Variants in EPS15 observed in about 807,000 individuals in gnomAD.
The protein encoded by EPS15 is epidermal growth factor receptor substrate 15.
In EPS15, 72 loss-of-function variants were observed where a neutral mutation model predicts 113.8. The observed-to-expected ratio is 0.63, with a 90% CI of 0.52 to 0.77. The LOEUF (loss-of-function observed/expected upper bound fraction) is 0.77, where lower values mean the gene tolerates loss of function less well. EPS15 is among the 30% of genes least tolerant of loss of function. EPS15 has a pLI of 0.00. For synonymous variants in EPS15, 344 were observed against 363.4 expected, an observed-to-expected ratio of 0.95 and a Z score of 0.61; for missense variants, 1,048 against 1,045.8, an observed-to-expected ratio of 1.00 and a Z score of -0.03.
chr1:51,402,414 T>C lies in EPS15; in HGVS notation c.1882+21A>G, dbSNP rs777941387. 7.6e-6 allele frequency: 10 copies of C among 1,316,548 alleles called. No individual in the cohort carries two copies. In the East Asian group the frequency reaches 1.6e-4, roughly 22 times the overall value. The allele number at this position is 1,316,548 out of a possible 1,614,324, so 81.6% of individuals were successfully genotyped here. A position where few individuals can be genotyped will look rare whatever the true frequency, so the allele number is the denominator to read the frequency against. On this transcript the variant is annotated intron_variant, in intron 18 of 24. Coordinates refer to ENST00000371733, the MANE Select transcript of EPS15 (RefSeq NM_001981.3). Reference sequence around the variant, plus strand: ...GTCTTTTTTTTGGGTAAATCTATAATATAAAAAAAAGAGTACTTACTGCCA... The same window carrying C: ...GTCTTTTTTTTGGGTAAATCTATAACATAAAAAAAAGAGTACTTACTGCCA...
chr1:51,361,278 C>T lies in EPS15; in HGVS notation c.2437G>A (p.Asp813Asn), dbSNP rs777963379. Residue 813 changes from aspartate to asparagine, a missense_variant, in exon 24 of 25, where the codon GAT becomes AAT. Asp to Asn is a conservative substitution (Grantham distance 23). Transcript: ENST00000371733. ...TCAGGATCTTTTTCTTTGGGGCTAT[C>T]GTTGCCTGGGAAAGGCTGAAATGGA... ...NDPFQPFPGNDSPKEKDPEIF... is the reference protein window; with the variant it reads ...NDPFQPFPGNNSPKEKDPEIF... 7.4e-6 allele frequency: 12 copies of T among 1,613,638 alleles called. No individual in the cohort carries two copies. The highest frequency in any genetic ancestry group is 6.7e-5 in the East Asian group (3 of 44,880).
chr1:51,498,944 G>A (rs1213285455), intron 1 of EPS15, among the ~76,000 whole-genome samples: 1 of 152,144 alleles, frequency 6.6e-6, no homozygotes, highest in Non-Finnish European at 1.5e-5. Context: ...TGCAATTTAG[G>A]TACGTATCAA....
chr1:51,476,131 T>C (rs1570387372), intron 2 of EPS15, among the ~76,000 whole-genome samples: 1 of 152,182 alleles, frequency 6.6e-6, no homozygotes, highest in Non-Finnish European at 1.5e-5. Flanking sequence ...TCCAGCTTTG[T>C]TCTTTTTGCT....
chr1:51,354,876 A>T lies in EPS15; in HGVS notation c.*1824T>A, dbSNP rs1005818642. ...ATTTAATATTTGAGTTTAATTGAAA[A>T]TTTTTTTGAAGCATTTAAACATTTG... On this transcript the variant is annotated 3_prime_UTR_variant, in exon 25 of 25. Transcript: ENST00000371733. 5.4e-5 allele frequency: 11 copies of T among 202,090 alleles called. No homozygotes were observed. In the East Asian group the frequency reaches 6.9e-4, roughly 13 times the overall value. 12.5% of individuals were successfully genotyped at this position (202,090 alleles called of 1,614,324 possible).
chr1:51,411,015 A>G (rs755018488), intron 13 of EPS15, among the ~76,000 whole-genome samples: 1 of 152,210 alleles, frequency 6.6e-6, no homozygotes, highest in Non-Finnish European at 1.5e-5. Flanking sequence ...AGTTAAAAAT[A>G]GTAAGCTATG....
At chr1:51,478,790 C>T (rs1156683855) in intron 2 of EPS15, among the ~76,000 whole-genome samples, 4 of 152,348 alleles carry the variant, frequency 2.6e-5, no homozygotes, top group African/African-American at 9.6e-5. Context: ...GGCCCCCACT[C>T]TCTTCTGGCT....
chr1:51,375,802 T>C (rs1250954155), intron 21 of EPS15, among the ~76,000 whole-genome samples: 9 of 152,144 alleles, frequency 5.9e-5, no homozygotes, highest in African/African-American at 2.2e-4. Flanking sequence ...AAGACTTACG[T>C]TGTAACTAAA....
intron 2 of EPS15, among the ~76,000 whole-genome samples, chr1:51,476,939 G>T (rs1437331499): frequency 6.6e-6 from 1 of 152,122 alleles, no homozygotes; most frequent in African/African-American, 2.4e-5. Context: ...TCTCTGCCAG[G>T]TTTTGGTATC....
At chr1:51,483,748 G>A (rs1644066471) in intron 1 of EPS15, among the ~76,000 whole-genome samples, 1 of 151,758 alleles carries the variant, frequency 6.6e-6, no homozygotes, top group Admixed American at 6.6e-5. Flanking sequence ...GGAGGTTGCA[G>A]TGAGCTGAAA....
intron 11 of EPS15, among the ~76,000 whole-genome samples, chr1:51,443,759 C>G (rs959526274): frequency 5.3e-5 from 8 of 151,890 alleles, no homozygotes; most frequent in Admixed American, 4.6e-4. Flanking sequence ...TTCAAGTGAT[C>G]CTCCTGCCTC....
chr1:51,406,033 T>C lies in EPS15; in HGVS notation c.1549A>G (p.Ser517Gly). 6.2e-7 allele frequency: 1 copy of C among 1,614,220 alleles called. No individual in the cohort carries two copies. The highest frequency in any genetic ancestry group is 8.5e-7 in the Non-Finnish European group (1 of 1,180,016). ...TCTGTAGCTCCGTTTACAAGAATGC[T>C]GTGTGGGCTACTGCACCAATTTAAC... The part of the protein sequence containing the change: ...SQLNWCSSPH[S>G]ILVNGATDYC... Residue 517 changes from serine (S) to glycine (G), a missense_variant, in exon 16 of 25, where the codon AGC becomes GGC. Coordinates refer to ENST00000371733, the MANE Select transcript of EPS15 (RefSeq NM_001981.3).
chr1:51,464,895 T>C (rs911936458), intron 6 of EPS15, among the ~76,000 whole-genome samples: 6 of 152,242 alleles, frequency 3.9e-5, no homozygotes, highest in Non-Finnish European at 8.8e-5. Context: ...TACCTATTTC[T>C]AAAAAGATTT....
chr1:51,516,605 A>C lies in EPS15; in HGVS notation c.33+2594T>G, dbSNP rs554148576. Among the ~76,000 whole-genome samples, 5 of 152,284 alleles carry C rather than the reference A, an allele frequency of 3.3e-5. No individual in the cohort carries two copies. In the South Asian group the frequency reaches 8.3e-4, roughly 25 times the overall value. On this transcript the variant is annotated intron_variant, in intron 1 of 24. Coordinates refer to ENST00000371733, the MANE Select transcript of EPS15 (RefSeq NM_001981.3). ...GTTGGCAAGCTTGGAAAAAGGAAGG[A>C]AGGCATAAGCTAAAACATTTTTCAC...
chr1:51,398,334 T>C (rs1194082428), intron 20 of EPS15, among the ~76,000 whole-genome samples: 2 of 152,164 alleles, frequency 1.3e-5, no homozygotes, highest in Non-Finnish European at 2.9e-5. Context: ...ATTACAGGCG[T>C]GAGCCACCGC....
chr1:51,516,515 T>C (rs1570468187), intron 1 of EPS15, among the ~76,000 whole-genome samples: 1 of 152,192 alleles, frequency 6.6e-6, no homozygotes, highest in Admixed American at 6.5e-5. Context: ...CATTCTATCA[T>C]CTCTAGAAGC....
chr1:51,517,548 T>C (rs543926862), intron 1 of EPS15, among the ~76,000 whole-genome samples: 3 of 152,328 alleles, frequency 2.0e-5, no homozygotes, highest in African/African-American at 7.2e-5. Flanking sequence ...CCTGCCAGAA[T>C]TGGCCAACAG....
At chr1:51,451,174 T>C (rs1336031225) in intron 8 of EPS15, among the ~76,000 whole-genome samples, 1 of 151,838 alleles carries the variant, frequency 6.6e-6, no homozygotes, top group Admixed American at 6.6e-5. Flanking sequence ...TTAGTTATAT[T>C]TGTTTATATT....
intron 12 of EPS15, among the ~76,000 whole-genome samples, chr1:51,426,862 CAT>C (rs1361828450): frequency 0.01 from 1,366 of 134,042 alleles, 24 homozygotes; most frequent in African/African-American, 0.039. Flanking sequence ...TACACACACA[CAT>C]ATATATATAC....
chr1:51,498,520 T>A (rs142090247), intron 1 of EPS15, among the ~76,000 whole-genome samples: 1 of 152,260 alleles, frequency 6.6e-6, no homozygotes, highest in African/African-American at 2.4e-5. Context: ...TTTTGCCCAA[T>A]TGTAGGCTAA....
Sources: gnomAD v4.1 joint callset for allele counts (sites outside exome capture counted in the v4.1 genomes callset) on GRCh38, gnomAD v4.1.1 for gene constraint, MANE v1.5 for transcripts, NCBI Gene and HGNC (gene_info 2026-07-23, HGNC 2026-07-21) for gene names.